DIP2B: variants seen among roughly 807,000 people sequenced by gnomAD.
DIP2B encodes the protein DIP2 acetate--CoA ligase B (putative).
Under a neutral mutation model 198.0 loss-of-function variants are expected in DIP2B, and 76 were observed. That is an observed-to-expected ratio of 0.38 (90% CI 0.32 to 0.46). The LOEUF is 0.46. Among genes scored for constraint, DIP2B ranks in the 20% least tolerant of loss-of-function variants. DIP2B has a pLI of 0.99. For synonymous variants in DIP2B, 701 were observed against 739.1 expected, an observed-to-expected ratio of 0.95 and a Z score of 0.84; for missense variants, 1,559 against 1,978.4, an observed-to-expected ratio of 0.79 and a Z score of 4.02.
chr12:50,507,592 C>T (rs1957978821), intron 1 of DIP2B, among the ~76,000 whole-genome samples: 1 of 152,072 alleles, frequency 6.6e-6, no homozygotes, highest in African/African-American at 2.4e-5. Flanking sequence ...CACACTGTTG[C>T]CCGATTTTAG....
At chr12:50,539,580 C>T (rs1593591117) in intron 1 of DIP2B, among the ~76,000 whole-genome samples, 1 of 147,296 alleles carries the variant, frequency 6.8e-6, no homozygotes, top group African/African-American at 2.5e-5. Flanking sequence ...CATGCCATTG[C>T]GCTCCAGCCT....
intron 2 of DIP2B, among the ~76,000 whole-genome samples, chr12:50,626,489 A>T (rs2139470199): frequency 6.6e-6 from 1 of 152,318 alleles, no homozygotes; most frequent in South Asian, 2.1e-4. Flanking sequence ...TCAAAGCCAG[A>T]CTTACTGCTT....
At chr12:50,716,939 C>A (rs1939730153) in intron 23 of DIP2B, among the ~76,000 whole-genome samples, 1 of 106,456 alleles carries the variant, frequency 9.4e-6, no homozygotes. Flanking sequence ...GTAGCCTATC[C>A]TAGATTTACG....
chr12:50,675,365 A>G lies in DIP2B; in HGVS notation c.833A>G (p.Gln278Arg), dbSNP rs1236931317. ...AGTAGCAGAGTATCTACAAAAATCC[A>G]GCAGCTTCTGAACACTCTGAAACGA... ...PVSSRVSTKIQQLLNTLKRPK... is the reference protein window; with the variant it reads ...PVSSRVSTKIRQLLNTLKRPK... The change falls in exon 7 of 38, where the codon CAG (glutamine) becomes CGG (arginine). Residue 278 changes from glutamine (Q) to arginine (R), a missense_variant. Coordinates refer to ENST00000301180, the MANE Select transcript of DIP2B (RefSeq NM_173602.3). The G allele has an allele frequency of 6.2e-7, 1 of 1,613,514 alleles. No homozygotes were observed. Among genetic ancestry groups the G allele is most frequent in the South Asian group, 1.1e-5 (1 of 91,010 alleles).
intron 10 of DIP2B, among the ~76,000 whole-genome samples, chr12:50,684,998 A>G (rs1217637372): frequency 2.0e-5 from 3 of 152,162 alleles, no homozygotes; most frequent in Non-Finnish European, 4.4e-5. Context: ...AGATTGAAAC[A>G]GAAGAATAGC....
intron 1 of DIP2B, among the ~76,000 whole-genome samples, chr12:50,556,334 C>T (rs1958470803): frequency 6.6e-6 from 1 of 152,168 alleles, no homozygotes; most frequent in Non-Finnish European, 1.5e-5. Context: ...AGGCATGAGC[C>T]ATAGTGCTGG....
Position 50,746,896 on chromosome 12 carries a change from TACTA to T in DIP2B, c.*2060_*2063del, listed in dbSNP as rs1940348055. ...TTCTGTGGGTTGCTTTGATAATTCT[TACTA>T]ACACAGATTAGGGTATAGGCATCTA... is the stretch of plus-strand genomic sequence containing the variant. On this transcript the variant is annotated 3_prime_UTR_variant, in exon 38 of 38. Transcript: ENST00000301180. 1 of 152,256 alleles carries T rather than the reference TACTA, an allele frequency of 6.6e-6. No individual in the cohort carries two copies. Among genetic ancestry groups the T allele is most frequent in the African/African-American group, 2.4e-5 (1 of 41,476 alleles). The allele number at this position is 152,256 out of a possible 1,614,324, so 9.4% of individuals were successfully genotyped here.
intron 16 of DIP2B, among the ~76,000 whole-genome samples, chr12:50,696,846 T>C (rs1939321210): frequency 6.6e-6 from 1 of 152,232 alleles, no homozygotes; most frequent in South Asian, 2.1e-4. Flanking sequence ...TTTTAAATAG[T>C]GTCAGTGACC....
intron 1 of DIP2B, among the ~76,000 whole-genome samples, chr12:50,527,829 G>C (rs1958180410): frequency 6.6e-6 from 1 of 152,122 alleles, no homozygotes. Flanking sequence ...ACCATTGTCA[G>C]AAGTGTATTT....
chr12:50,529,425 A>G (rs912124055), intron 1 of DIP2B, among the ~76,000 whole-genome samples: 11 of 152,238 alleles, frequency 7.2e-5, no homozygotes, highest in South Asian at 2.1e-4. Flanking sequence ...AGGACTGTCC[A>G]ATGGACCAAA....
intron 1 of DIP2B, among the ~76,000 whole-genome samples, chr12:50,517,107 G>T (rs1333078940): frequency 6.6e-6 from 1 of 152,028 alleles, no homozygotes; most frequent in Non-Finnish European, 1.5e-5. Flanking sequence ...TTTTAGTAGA[G>T]ATGGGGTTTC....
At chr12:50,559,251 T>C (rs1318703729) in intron 1 of DIP2B, among the ~76,000 whole-genome samples, 1 of 152,052 alleles carries the variant, frequency 6.6e-6, no homozygotes, top group African/African-American at 2.4e-5. Context: ...TCCTTTTCTT[T>C]CTTCTCCTGT....
rs577124399 is a variant in DIP2B at position 50,744,676 on chromosome 12, C to A, written c.4568C>A (p.Thr1523Asn). ...GCCCTAGATCTGGTCCCATTAGTGACCAACGTGGTCCTGGAAGAGCATTAC... is the reference window on the plus strand; with the variant it reads ...GCCCTAGATCTGGTCCCATTAGTGAACAACGTGGTCCTGGAAGAGCATTAC... ...QEALDLVPLV[T>N]NVVLEEHYLI... Residue 1523 changes from threonine (T) to asparagine (N), a missense_variant, in exon 38 of 38, where the codon ACC becomes AAC. Thr to Asn is a moderately conservative substitution (Grantham distance 65). Transcript: ENST00000301180. The A allele has an allele frequency of 6.2e-7, 1 of 1,614,178 alleles. No homozygotes were observed. Among genetic ancestry groups the A allele is most frequent in the Admixed American group, 1.7e-5 (1 of 60,020 alleles).
chr12:50,562,499 C>G (rs975694514), intron 1 of DIP2B, among the ~76,000 whole-genome samples: 1 of 151,878 alleles, frequency 6.6e-6, no homozygotes, highest in African/African-American at 2.4e-5. Flanking sequence ...CTTTGGGAAA[C>G]CGAGGGCAGT....
intron 4 of DIP2B, among the ~76,000 whole-genome samples, chr12:50,668,800 G>GT (rs200421173): frequency 9.2e-5 from 14 of 151,876 alleles, no homozygotes; most frequent in Non-Finnish European, 1.6e-4. Flanking sequence ...CTTCCTCTCT[G>GT]TTTTTTTTAA....
chr12:50,558,961 G>A (rs967406674), intron 1 of DIP2B, among the ~76,000 whole-genome samples: 2 of 152,192 alleles, frequency 1.3e-5, no homozygotes, highest in African/African-American at 2.4e-5. Flanking sequence ...CCTTACCCTA[G>A]CAGAAGACTG....
At chr12:50,567,074 C>T (rs1165098295) in intron 1 of DIP2B, among the ~76,000 whole-genome samples, 3 of 149,496 alleles carry the variant, frequency 2.0e-5, no homozygotes, top group East Asian at 3.9e-4. Flanking sequence ...CACAATTATT[C>T]GATTTAGCTT....
intron 20 of DIP2B, among the ~76,000 whole-genome samples, chr12:50,704,515 T>C (rs534657531): frequency 6.6e-6 from 1 of 152,376 alleles, no homozygotes; most frequent in East Asian, 1.9e-4. Flanking sequence ...TTATTCTCAC[T>C]ATCTCGCTCT....
chr12:50,588,282 G>A (rs990847769), intron 1 of DIP2B, among the ~76,000 whole-genome samples: 1 of 152,088 alleles, frequency 6.6e-6, no homozygotes, highest in African/African-American at 2.4e-5. Context: ...CTCCTGAGTA[G>A]CTGGGATTAC....
Sources: gnomAD v4.1 joint callset for allele counts (sites outside exome capture counted in the v4.1 genomes callset) on GRCh38, gnomAD v4.1.1 for gene constraint, MANE v1.5 for transcripts, NCBI Gene and HGNC (gene_info 2026-07-23, HGNC 2026-07-21) for gene names.